LMBRD1: variants seen among roughly 807,000 people sequenced by gnomAD.
The protein encoded by LMBRD1 is LMBR1 domain containing 1.
Under a neutral mutation model 74.8 loss-of-function variants are expected in LMBRD1, and 64 were observed. The observed-to-expected ratio is 0.86, with a 90% CI of 0.70 to 1.05. The LOEUF (loss-of-function observed/expected upper bound fraction) is 1.05, where lower values mean the gene tolerates loss of function less well. LMBRD1 is among the 50% of genes least tolerant of loss of function. The probability of loss-of-function intolerance (pLI) is 0.00; values close to 1 mark genes in which losing one functional copy is unlikely to be tolerated. For synonymous variants in LMBRD1, 204 were observed against 216.3 expected (o/e 0.94, Z 0.50); for missense variants, 652 against 645.9 (o/e 1.01, Z -0.10).
intron 6 of LMBRD1, among the ~76,000 whole-genome samples, chr6:69,738,304 A>G (rs1477864707): frequency 1.3e-5 from 2 of 152,160 alleles, no homozygotes; most frequent in East Asian, 1.9e-4. Context: ...AAAAGAGATC[A>G]GCAAAATATC....
At chr6:69,717,779 C>T (rs998797532) in intron 8 of LMBRD1, among the ~76,000 whole-genome samples, 1 of 152,264 alleles carries the variant, frequency 6.6e-6, no homozygotes, top group South Asian at 2.1e-4. Flanking sequence ...ATCACTGCAG[C>T]CGCAACTTCC....
rs1366605616 is a variant in LMBRD1 at position 69,796,892 on chromosome 6, G to A, written c.-11C>T. On this transcript the variant is annotated 5_prime_UTR_variant, in exon 1 of 16. Transcript: ENST00000649934. ...GCCAGAAGTCGCCATCTTCGCTTCC[G>A]GTCCAGACCAACCTGAGCGCCCGGG... is the stretch of plus-strand genomic sequence containing the variant. 2 of 1,613,690 alleles carry A rather than the reference G, an allele frequency of 1.2e-6. No homozygotes were observed. The highest frequency in any genetic ancestry group is 1.7e-5 in the Admixed American group (1 of 60,000).
rs779140853 is a variant in LMBRD1 at position 69,676,444 on chromosome 6, A to T, written c.1509+6T>A. On this transcript the variant is annotated splice_donor_region_variant and intron_variant, in intron 15 of 15. Transcript: ENST00000649934. ...GTCAAATCACGCGTGGGATATCTGC[A>T]CTTACCCCAAGAAAGGCCCAGTTAC... The T allele has an allele frequency of 6.2e-7, 1 of 1,611,230 alleles. No homozygotes were observed. The highest frequency in any genetic ancestry group is 1.1e-5 in the South Asian group (1 of 91,026).
chr6:69,731,204 C>A (rs1183077166), intron 7 of LMBRD1, among the ~76,000 whole-genome samples: 1 of 151,884 alleles, frequency 6.6e-6, no homozygotes, highest in Non-Finnish European at 1.5e-5. Flanking sequence ...TTAATGGGTA[C>A]AAAAGTACAG....
chr6:69,681,061 T>C (rs1218481656), intron 14 of LMBRD1, among the ~76,000 whole-genome samples: 1 of 152,110 alleles, frequency 6.6e-6, no homozygotes. Flanking sequence ...CTTCTGACTG[T>C]TGTTCCTCAA....
At chr6:69,697,931 T>C (rs1354059617) in intron 13 of LMBRD1, among the ~76,000 whole-genome samples, 2 of 152,098 alleles carry the variant, frequency 1.3e-5, no homozygotes, top group Non-Finnish European at 2.9e-5. Context: ...AGGAATGCTA[T>C]TTTCAGACTG....
intron 7 of LMBRD1, among the ~76,000 whole-genome samples, chr6:69,737,487 A>G (rs1169278691): frequency 6.6e-6 from 1 of 151,792 alleles, no homozygotes; most frequent in Non-Finnish European, 1.5e-5. Context: ...CTATATCCCC[A>G]AGTAGAGTAA....
At chr6:69,696,498 C>T (rs1765999885) in intron 14 of LMBRD1, among the ~76,000 whole-genome samples, 1 of 152,114 alleles carries the variant, frequency 6.6e-6, no homozygotes, top group Admixed American at 6.6e-5. Context: ...ACTCTGCCTT[C>T]CTCCCTCCAA....
chr6:69,680,486 A>G (rs1407499000), intron 14 of LMBRD1, among the ~76,000 whole-genome samples: 5 of 152,084 alleles, frequency 3.3e-5, no homozygotes, highest in Admixed American at 2.6e-4. Flanking sequence ...CTAATAATCC[A>G]CTTAGTGACA....
At chr6:69,701,789 A>G in intron 10 of LMBRD1, 100 bp downstream of exon 10, 2 of 842,686 alleles carry the variant, frequency 2.4e-6, no homozygotes, top group Non-Finnish European at 4.0e-6. Flanking sequence ...TAAAAAAGCT[A>G]CTTAAGATGA....
intron 9 of LMBRD1, among the ~76,000 whole-genome samples, chr6:69,707,038 T>G (rs560953436): frequency 6.6e-6 from 1 of 152,300 alleles, no homozygotes; most frequent in Non-Finnish European, 1.5e-5. Context: ...ACTTTCATGC[T>G]CTTTCAGATT....
At chr6:69,707,255 C>G (rs1766279311) in intron 9 of LMBRD1, among the ~76,000 whole-genome samples, 1 of 152,152 alleles carries the variant, frequency 6.6e-6, no homozygotes, top group Non-Finnish European at 1.5e-5. Flanking sequence ...CTCTCTGACT[C>G]TAATCCAGAA....
rs371431008 is a variant in LMBRD1 at position 69,695,536 on chromosome 6, A to G, written c.1417+2027T>C. 1.2e-4 allele frequency among the ~76,000 whole-genome samples: 19 copies of G among 152,324 alleles called. No homozygotes were observed. In the East Asian group the frequency reaches 2.5e-3, roughly 20 times the overall value. ...TCAAGTCCCTTACATAAAATGATGTACTTATACACATCATCCCACATCTTT... is the reference window on the plus strand; with the variant it reads ...TCAAGTCCCTTACATAAAATGATGTGCTTATACACATCATCCCACATCTTT... On this transcript the variant is annotated intron_variant, in intron 14 of 15. Transcript: ENST00000649934.
chr6:69,704,421 T>C (rs1291280561), intron 9 of LMBRD1, among the ~76,000 whole-genome samples: 1 of 152,112 alleles, frequency 6.6e-6, no homozygotes, highest in Non-Finnish European at 1.5e-5. Context: ...CAATATAGAC[T>C]TATATTTTAT....
At chr6:69,780,737 A>AGACAAC (rs1765815648) in intron 2 of LMBRD1, among the ~76,000 whole-genome samples, 183 bp from the exon 3 acceptor site, 1 of 152,230 alleles carries the variant, frequency 6.6e-6, no homozygotes, top group Non-Finnish European at 1.5e-5. Context: ...TGCTGAGATA[A>AGACAAC]GACAACACAG....
rs1767107354 is a variant in LMBRD1 at position 69,741,760 on chromosome 6, CTAT to C, written c.562+26_562+28del. The C allele has an allele frequency of 4.7e-6, 6 of 1,272,522 alleles. No homozygotes were observed. In the African/African-American group the frequency reaches 7.4e-5, roughly 16 times the overall value. 78.8% of individuals were successfully genotyped at this position (1,272,522 alleles called of 1,614,324 possible). ...CCAAAGTATCAGGAAATATAAACTA[CTAT>C]GTTTTTTAAAAAAAACAATACTTAC... On this transcript the variant is annotated intron_variant, in intron 6 of 15. Coordinates refer to ENST00000649934, the MANE Select transcript of LMBRD1 (RefSeq NM_018368.4).
At chr6:69,709,483 A>T (rs889835383) in intron 9 of LMBRD1, among the ~76,000 whole-genome samples, 1 of 152,200 alleles carries the variant, frequency 6.6e-6, no homozygotes, top group Non-Finnish European at 1.5e-5. Context: ...ACATGGAAAG[A>T]TGGGTAAAAA....
intron 3 of LMBRD1, among the ~76,000 whole-genome samples, chr6:69,777,643 T>TCCA (rs1417865935): frequency 6.6e-6 from 1 of 150,520 alleles, no homozygotes. Context: ...TCAACATCTC[T>TCCA]CCACATCAAT....
chr6:69,767,359 C>T (rs1368962025), intron 3 of LMBRD1, among the ~76,000 whole-genome samples: 1 of 151,566 alleles, frequency 6.6e-6, no homozygotes, highest in East Asian at 1.9e-4. Flanking sequence ...CTGAGCTCTG[C>T]TTGAGCTATA....
Sources: allele counts gnomAD v4.1 joint callset (sites outside exome capture counted in the v4.1 genomes callset), GRCh38; gene constraint gnomAD v4.1.1; transcripts MANE v1.5; gene names NCBI Gene and HGNC (gene_info 2026-07-23, HGNC 2026-07-21).